LDB2: variants seen among roughly 807,000 people sequenced by gnomAD.
LDB2 encodes the protein LIM domain-binding protein 2.
In LDB2, 12 loss-of-function variants were observed where a neutral mutation model predicts 44.3. The observed-to-expected ratio is 0.27, with a 90% CI of 0.17 to 0.44. The LOEUF is 0.44. Among genes scored for constraint, LDB2 ranks in the 20% least tolerant of loss-of-function variants. LDB2 has a pLI of 1.00. For missense variants in LDB2, 344 were observed against 473.5 expected, an observed-to-expected ratio of 0.73 and a Z score of 2.54; for synonymous variants, 164 against 174.8, an observed-to-expected ratio of 0.94 and a Z score of 0.49.
chr4:16,630,366 C>T (rs1332732911), intron 2 of LDB2, among the ~76,000 whole-genome samples: 2 of 152,156 alleles, frequency 1.3e-5, no homozygotes, highest in Non-Finnish European at 2.9e-5. Flanking sequence ...GAAATAAAAT[C>T]CTTTACAGAC....
chr4:16,661,933 A>C (rs1219400690), intron 2 of LDB2, among the ~76,000 whole-genome samples: 1 of 152,080 alleles, frequency 6.6e-6, no homozygotes, highest in African/African-American at 2.4e-5. Flanking sequence ...GGCAGGTAGC[A>C]CTCGCTCTTG....
At chr4:16,526,793 C>T (rs373091314) in intron 5 of LDB2, among the ~76,000 whole-genome samples, 3 of 152,172 alleles carry the variant, frequency 2.0e-5, no homozygotes, top group East Asian at 1.9e-4. Context: ...GGAATATAAT[C>T]CTGCCAACAC....
At chr4:16,591,279 G>C (rs984874303) in intron 3 of LDB2, among the ~76,000 whole-genome samples, 3 of 152,202 alleles carry the variant, frequency 2.0e-5, no homozygotes, top group Non-Finnish European at 4.4e-5. Flanking sequence ...TCCTCTGACA[G>C]ATTACTCAGT....
chr4:16,769,365 C>T (rs1015170578), intron 1 of LDB2, among the ~76,000 whole-genome samples: 20 of 151,384 alleles, frequency 1.3e-4, no homozygotes, highest in East Asian at 1.9e-4. Flanking sequence ...AGCACAGTCT[C>T]GGCTCACTGC....
intron 2 of LDB2, among the ~76,000 whole-genome samples, chr4:16,638,324 C>T (rs1462959214): frequency 6.6e-6 from 1 of 152,198 alleles, no homozygotes; most frequent in Non-Finnish European, 1.5e-5. Flanking sequence ...AGTGCTGTAA[C>T]TGATGCATGT....
chr4:16,634,697 T>G (rs1578361887), intron 2 of LDB2, among the ~76,000 whole-genome samples: 1 of 151,888 alleles, frequency 6.6e-6, no homozygotes, highest in African/African-American at 2.4e-5. Context: ...TTGGCGGGAG[T>G]GTAAATTAGT....
chr4:16,726,706 G>T (rs749562983), intron 2 of LDB2, among the ~76,000 whole-genome samples: 7 of 152,148 alleles, frequency 4.6e-5, no homozygotes, highest in Non-Finnish European at 7.4e-5. Flanking sequence ...CCAGCCTGTG[G>T]CCATTTCCAA....
At chr4:16,565,707 G>GA (rs1483646127) in intron 5 of LDB2, among the ~76,000 whole-genome samples, 1 of 151,762 alleles carries the variant, frequency 6.6e-6, no homozygotes, top group African/African-American at 2.4e-5. Context: ...ATTGTTATTT[G>GA]AAAATGATAT....
At chr4:16,518,339 C>A (rs76345771) in intron 5 of LDB2, among the ~76,000 whole-genome samples, 7,950 of 152,260 alleles carry the variant, frequency 0.052, 280 homozygotes, top group South Asian at 0.12. Context: ...ATTTGATTAT[C>A]TCCCAATCTA....
intron 1 of LDB2, among the ~76,000 whole-genome samples, chr4:16,853,372 G>A (rs1203378781): frequency 6.6e-6 from 1 of 152,156 alleles, no homozygotes; most frequent in Non-Finnish European, 1.5e-5. Flanking sequence ...GTCAATATGT[G>A]TATGGAAAGG....
chr4:16,522,238 T>C (rs986292884), intron 5 of LDB2, among the ~76,000 whole-genome samples: 1 of 151,634 alleles, frequency 6.6e-6, no homozygotes, highest in African/African-American at 2.4e-5. Flanking sequence ...GACCTACTTG[T>C]TAAAATTGTA....
In LDB2 at chr4:16,545,785, C is replaced by A. The variant is rs80308603; in HGVS notation, c.616-33681G>T. 8.3e-3 allele frequency among the ~76,000 whole-genome samples: 1,258 copies of A among 152,314 alleles called. 15 individuals carry two copies. Among genetic ancestry groups the A allele is most frequent in the African/African-American group, 0.029 (1,207 of 41,564 alleles). On this transcript the variant is annotated intron_variant, in intron 5 of 7. Transcript: ENST00000304523. ...TGCCCCTACCGGCTTATTCCCAAAG[C>A]CCCAGCCATCTTTACGCAAGAATGC... is the stretch of plus-strand genomic sequence containing the variant.
At chr4:16,563,181 C>T (rs962395064) in intron 5 of LDB2, among the ~76,000 whole-genome samples, 2 of 151,476 alleles carry the variant, frequency 1.3e-5, no homozygotes, top group African/African-American at 4.9e-5. Context: ...CTAACCTGCA[C>T]ATTGTGCACA....
intron 2 of LDB2, among the ~76,000 whole-genome samples, chr4:16,665,048 A>C (rs747741275): frequency 1.3e-5 from 2 of 152,114 alleles, no homozygotes; most frequent in Non-Finnish European, 2.9e-5. Flanking sequence ...CATCATTTGC[A>C]CCTCACCTAC....
chr4:16,741,975 A>T (rs1763350266), intron 2 of LDB2, among the ~76,000 whole-genome samples: 1 of 152,220 alleles, frequency 6.6e-6, no homozygotes, highest in South Asian at 2.1e-4. Flanking sequence ...TGAGCAACAC[A>T]GCAGGAACAT....
chr4:16,820,183 A>T (rs1440909822), intron 1 of LDB2, among the ~76,000 whole-genome samples: 1 of 152,204 alleles, frequency 6.6e-6, no homozygotes, highest in East Asian at 1.9e-4. Flanking sequence ...GATGTGACCA[A>T]ATATCGTCTT....
At chr4:16,784,761 C>A (rs1174328191) in intron 1 of LDB2, among the ~76,000 whole-genome samples, 1 of 152,200 alleles carries the variant, frequency 6.6e-6, no homozygotes, top group Non-Finnish European at 1.5e-5. Flanking sequence ...ACCACTCTCT[C>A]CTTCTTCCGC....
At chr4:16,808,626 AC>A (rs1229039228) in intron 1 of LDB2, among the ~76,000 whole-genome samples, 1 of 152,170 alleles carries the variant, frequency 6.6e-6, no homozygotes, top group Non-Finnish European at 1.5e-5. Flanking sequence ...TTACTTTTCT[AC>A]CAAAAGCCGA....
At chr4:16,717,711 C>A (rs965522252) in intron 2 of LDB2, among the ~76,000 whole-genome samples, 2 of 152,132 alleles carry the variant, frequency 1.3e-5, no homozygotes, top group African/African-American at 4.8e-5. Flanking sequence ...ATAAACACCT[C>A]CCCTTGGCTG....
Sources: allele counts gnomAD v4.1 joint callset (sites outside exome capture counted in the v4.1 genomes callset), GRCh38; gene constraint gnomAD v4.1.1; transcripts MANE v1.5; gene names NCBI Gene and HGNC (gene_info 2026-07-23, HGNC 2026-07-21).